Variants in KDM5C observed in about 807,000 individuals in gnomAD.
KDM5C encodes lysine demethylase 5C.
KDM5C carries 16 observed loss-of-function variants against 110.6 expected under a neutral mutation model. The observed-to-expected ratio is 0.14, with a 90% CI of 0.10 to 0.22. The LOEUF (loss-of-function observed/expected upper bound fraction) is 0.22. KDM5C is among the 10% of genes least tolerant of loss of function. The pLI is 1.00. For missense variants in KDM5C, 681 were observed against 1,300.9 expected (o/e 0.52, Z 7.33); for synonymous variants, 511 against 520.4 (o/e 0.98, Z 0.24).
intron 25 of KDM5C, among the ~76,000 whole-genome samples, chrX:53,184,183 C>T (rs1556827309): frequency 8.9e-6 from 1 of 112,017 alleles, no homozygotes; most frequent in East Asian, 2.8e-4. Context: ...AAGCACACTG[C>T]TTTTTATGTG....
At chrX:53,191,262 T>A, downstream of KDM5C, 1 of 169,164 alleles carries the variant, frequency 5.9e-6, no homozygotes, top group Non-Finnish European at 1.1e-5. Flanking sequence ...CCAACTACTA[T>A]GGGACCATTA....
downstream of KDM5C, among the ~76,000 whole-genome samples, chrX:53,189,191 A>G: frequency 8.9e-6 from 1 of 112,602 alleles, no homozygotes; most frequent in East Asian, 2.8e-4. Context: ...TACCAAGGCC[A>G]CTGTGGCCCT....
chrX:53,196,594 C>T, intron 19 of KDM5C, 92 bp downstream of exon 19: 1 of 736,659 alleles, frequency 1.4e-6, no homozygotes, highest in Non-Finnish European at 2.1e-6. Flanking sequence ...GAGCGTGATA[C>T]CTAAGGCCAC....
intron 18 of KDM5C, 49 bp downstream of exon 18, chrX:53,197,722 A>G (rs1556838486): frequency 9.8e-7 from 1 of 1,017,742 alleles, no homozygotes; most frequent in Non-Finnish European, 1.4e-6. Context: ...CCTGCTGCTC[A>G]GGTCCCCTGG....
chrX:53,207,178 CA>C lies in KDM5C; in HGVS notation c.1746+3235del, dbSNP rs56948247. 8.5e-3 allele frequency among the ~76,000 whole-genome samples: 342 copies of C among 40,251 alleles called. 1 individual carries two copies. Among genetic ancestry groups the C allele is most frequent in the African/African-American group, 0.032 (317 of 9,867 alleles). The allele number at this position is 40,251 out of a possible 115,157, so 35.0% of individuals were successfully genotyped here. On this transcript the variant is annotated intron_variant, in intron 12 of 25. Transcript: ENST00000375401. ...GGCAACAAGAGTGAGACTCCTTCTC[CA>C]AAAAAAAAAAAAAAAAAAAAAATCT... is the stretch of plus-strand genomic sequence containing the variant.
At position 53,192,527 on chromosome X, in the gene KDM5C, T is replaced by G. The variant is rs782478973; in HGVS notation, c.*440A>C. 1.6e-5 allele frequency: 5 copies of G among 310,674 alleles called. No homozygotes were observed. The highest frequency in any genetic ancestry group is 1.7e-5 in the Non-Finnish European group (3 of 178,672). 25.6% of individuals were successfully genotyped at this position (310,674 alleles called of 1,213,427 possible). On this transcript the variant is annotated 3_prime_UTR_variant, in exon 26 of 26. Coordinates refer to ENST00000375401, the MANE Select transcript of KDM5C (RefSeq NM_004187.5). The stretch of plus-strand genomic sequence containing the variant: ...AGGGGAAGGGAGAGGGAGAAGGGGG[T>G]AGGAAGGAAGGAAAAGAGGGGAGGA...
chrX:53,184,670 C>T (rs1449629518), intron 25 of KDM5C, among the ~76,000 whole-genome samples: 1 of 112,237 alleles, frequency 8.9e-6, no homozygotes, highest in Non-Finnish European at 1.9e-5. Flanking sequence ...ATAAATCCCA[C>T]TTGGCCAAGA....
At position 53,224,985 on chromosome X, in the gene KDM5C, G is replaced by C; in HGVS notation, c.-96C>G. The C allele has an allele frequency of 9.6e-7, 1 of 1,040,303 alleles. No individual in the cohort carries two copies. Among genetic ancestry groups the C allele is most frequent in the Non-Finnish European group, 1.3e-6 (1 of 788,370 alleles). 85.7% of individuals were successfully genotyped at this position (1,040,303 alleles called of 1,213,427 possible). A position where few individuals can be genotyped will look rare whatever the true frequency, so the allele number is the denominator to read the frequency against. ...GTTTGAAGCCGAGGCAATGCTCGGA[G>C]GCTAGGCCCTAAGCGGGGCAGCCGC... On this transcript the variant is annotated 5_prime_UTR_variant, in exon 1 of 26. Coordinates refer to ENST00000375401, the MANE Select transcript of KDM5C (RefSeq NM_004187.5).
rs1556851474 is a variant in KDM5C, at chrX:53,215,783, C to T, written c.963+12G>A. On this transcript the variant is annotated intron_variant, in intron 7 of 25. Coordinates refer to ENST00000375401, the MANE Select transcript of KDM5C (RefSeq NM_004187.5). ...GAAGCAGAGCATTAAGAAGTCAGGG[C>T]TGGGTCCTTACAAACTGGGCATTGC... The T allele has an allele frequency of 8.3e-7, 1 of 1,208,582 alleles. No individual in the cohort carries two copies. The highest frequency in any genetic ancestry group is 1.8e-5 in the South Asian group (1 of 56,905).
At position 53,215,963 on chromosome X, in the gene KDM5C, A is replaced by T; in HGVS notation, c.795T>A (p.Pro265=). 8.3e-7 allele frequency: 1 copy of T among 1,211,681 alleles called. No homozygotes were observed. The highest frequency in any genetic ancestry group is 1.1e-6 in the Non-Finnish European group (1 of 895,306). Reference sequence around the variant, plus strand: ...TCACCACTACTGTGGGGGGACACTCAGGCCCCTCCTTATCTGGGAGAGAGA... The same window carrying T: ...TCACCACTACTGTGGGGGGACACTCTGGCCCCTCCTTATCTGGGAGAGAGA... The part of the protein sequence containing the change: ...KTLRKKDKEG[P]ECPPTVVVKE... The change falls in exon 7 of 26, where the codon CCT becomes CCA. Residue 265 remains proline, a synonymous_variant. Transcript: ENST00000375401.
chrX:53,195,146 C>T, intron 21 of KDM5C, 78 bp from the exon 22 acceptor site: 1 of 1,175,161 alleles, frequency 8.5e-7, no homozygotes, highest in Admixed American at 2.4e-5. Flanking sequence ...GGTGCCCCTA[C>T]AAAACCCATG....
chrX:53,198,900 G>C lies in KDM5C; in HGVS notation c.2244-12C>G, dbSNP rs781998356. ...AGGTATACCGATACCTGGAGGAAGA[G>C]GGCAGGCAAGAGCATGTCTGGCCCA... is the stretch of plus-strand genomic sequence containing the variant. On this transcript the variant is annotated splice_polypyrimidine_tract_variant and intron_variant, in intron 15 of 25. Transcript: ENST00000375401. 36 of 1,210,704 alleles carry C rather than the reference G, an allele frequency of 3.0e-5. No individual in the cohort carries two copies. In the South Asian group the frequency reaches 5.1e-4, roughly 17 times the overall value.
intron 3 of KDM5C, 58 bp from the exon 4 acceptor site, chrX:53,218,024 G>A (rs1569280208): frequency 1.8e-6 from 2 of 1,135,420 alleles, no homozygotes; most frequent in African/African-American, 1.8e-5. Flanking sequence ...ATGTGAGGGA[G>A]TAGGCCTGTA....
chrX:53,186,645 T>C (rs1934227618), downstream of KDM5C, among the ~76,000 whole-genome samples: 1 of 112,375 alleles, frequency 8.9e-6, no homozygotes, highest in Non-Finnish European at 1.9e-5. Flanking sequence ...AGGGATACAA[T>C]ATTCTATTCC....
rs1556834570 is a variant in KDM5C at position 53,194,622 on chromosome X, G to C, written c.3555C>G (p.Thr1185=). The change falls in exon 23 of 26, where the codon ACC becomes ACG. Residue 1185 remains threonine, a synonymous_variant. Transcript: ENST00000375401. ...LASSSTASST[T]SICVCGQVLA... ...GCACCTGCCCACACACACAGATAGA[G>C]GTTGTAGAGGAGGCCGTGCTCGATG... is the stretch of plus-strand genomic sequence containing the variant. 2 of 1,210,509 alleles carry C rather than the reference G, an allele frequency of 1.7e-6. No homozygotes were observed. Among genetic ancestry groups the C allele is most frequent in the African/African-American group, 3.5e-5 (2 of 57,299 alleles).
At chrX:53,203,934 T>A (rs2073234344) in intron 12 of KDM5C, among the ~76,000 whole-genome samples, 1 of 111,434 alleles carries the variant, frequency 9.0e-6, no homozygotes, top group Non-Finnish European at 1.9e-5. Flanking sequence ...GCCGTATTTT[T>A]AGTAGAGACG....
chrX:53,216,489 T>C (rs1257580871), intron 5 of KDM5C, among the ~76,000 whole-genome samples: 1 of 112,223 alleles, frequency 8.9e-6, no homozygotes, highest in Non-Finnish European at 1.9e-5. Context: ...ACAATACATA[T>C]GAAAAAGCTA....
intron 17 of KDM5C, 50 bp downstream of exon 17, chrX:53,198,440 G>A (rs782023623): frequency 2.6e-6 from 3 of 1,171,399 alleles, no homozygotes. Context: ...TTTCCTCGGT[G>A]CTGGATCCTC....
chrX:53,224,167 GTACTACATACAGACGC>G (rs2073970658), intron 1 of KDM5C, among the ~76,000 whole-genome samples: 1 of 111,808 alleles, frequency 8.9e-6, no homozygotes, highest in Admixed American at 9.4e-5. Context: ...TATCTAGTGC[GTACTACATACAGACGC>G]TACCTAGTTT....
Sources: gnomAD v4.1 joint callset for allele counts (sites outside exome capture counted in the v4.1 genomes callset) on GRCh38, gnomAD v4.1.1 for gene constraint, MANE v1.5 for transcripts, NCBI Gene and HGNC (gene_info 2026-07-23, HGNC 2026-07-21) for gene names.